The following SYNE1 variants were observed in gnomAD, a reference collection of about 807,000 sequenced individuals.
SYNE1 encodes spectrin repeat containing nuclear envelope protein 1, also known as nesprin-1.
In SYNE1, 616 loss-of-function variants were observed where a neutral mutation model predicts 1,111.0. That is an observed-to-expected ratio of 0.55 (90% CI 0.52 to 0.59). SYNE1 has a LOEUF of 0.59. Ranked by LOEUF, SYNE1 falls within the 20% of genes least tolerant of loss-of-function variation. The pLI is 0.00. For missense variants in SYNE1, 10,006 were observed against 10,417.0 expected, an observed-to-expected ratio of 0.96 and a Z score of 1.72; for synonymous variants, 3,855 against 3,825.8, an observed-to-expected ratio of 1.01 and a Z score of -0.28.
chr6:152,137,839 T>G (rs2057421707), intron 140 of SYNE1, among the ~76,000 whole-genome samples: 1 of 152,192 alleles, frequency 6.6e-6, no homozygotes, highest in South Asian at 2.1e-4. Flanking sequence ...ACTTGATTAT[T>G]CCACAGATTT....
chr6:152,283,679 G>A (rs530604634), intron 96 of SYNE1, among the ~76,000 whole-genome samples: 2 of 152,230 alleles, frequency 1.3e-5, no homozygotes, highest in East Asian at 3.9e-4. Context: ...TGGGACTACA[G>A]GCACACACCA....
intron 100 of SYNE1, among the ~76,000 whole-genome samples, chr6:152,266,159 G>A (rs1187321212): frequency 1.3e-5 from 2 of 151,994 alleles, no homozygotes; most frequent in Admixed American, 6.6e-5. Context: ...AGCCAGTACT[G>A]CACTGCAAAT....
chr6:152,317,368 G>A lies in SYNE1; in HGVS notation c.16573-382C>T, dbSNP rs952278911. On this transcript the variant is annotated intron_variant, in intron 86 of 145. Coordinates refer to ENST00000367255, the MANE Select transcript of SYNE1 (RefSeq NM_182961.4). ...CCCACGTAGCTGGGACCACAGGCAC[G>A]TGCCAACCATGCCCTGTTAAATTTT... Among the ~76,000 whole-genome samples, 6 of 151,680 alleles carry A rather than the reference G, an allele frequency of 4.0e-5. No homozygotes were observed. In the South Asian group the frequency reaches 6.2e-4, roughly 16 times the overall value.
Position 152,329,686 on chromosome 6 carries a change from T to A in SYNE1, c.14955+44A>T, listed in dbSNP as rs774238980. On this transcript the variant is annotated intron_variant, in intron 78 of 145. Coordinates refer to ENST00000367255, the MANE Select transcript of SYNE1 (RefSeq NM_182961.4). ...CGAATTTCTTGTACCTGTTTACAAA[T>A]AAGCAGAGTGGAAAAAAGAGAAGTG... 5.0e-6 allele frequency: 8 copies of A among 1,613,792 alleles called. No individual in the cohort carries two copies. The East Asian group carries it at 1.8e-4, about 36-fold the overall frequency.
rs1253032018 is a variant in SYNE1 at position 152,139,961 on chromosome 6, T to C, written c.25447A>G (p.Lys8483Glu). The C allele has an allele frequency of 2.5e-5, 40 of 1,613,566 alleles. No individual in the cohort carries two copies. Among genetic ancestry groups the C allele is most frequent in the South Asian group, 4.4e-5 (4 of 91,046 alleles). The change falls in exon 140 of 146, where the codon AAA becomes GAA. Residue 8483 changes from lysine to glutamate, a missense_variant. Physicochemically the swap from Lys to Glu is moderately conservative, Grantham distance 56. Coordinates refer to ENST00000367255, the MANE Select transcript of SYNE1 (RefSeq NM_182961.4). ...CAAGGGGCAGCTACCTTGAGCTTTT[T>C]GATCTGGAGCTCGATGGTCTGGATG... ...TDIQTIELQI[K>E]KLKELQKAVD...
chr6:152,401,367 A>C lies in SYNE1; in HGVS notation c.6826-26T>G, dbSNP rs1336257670. 1.9e-6 allele frequency: 3 copies of C among 1,603,336 alleles called. No individual in the cohort carries two copies. In the South Asian group the frequency reaches 3.3e-5, roughly 18 times the overall value. On this transcript the variant is annotated intron_variant, in intron 46 of 145. Coordinates refer to ENST00000367255, the MANE Select transcript of SYNE1 (RefSeq NM_182961.4). ...CTAAATATCAAGCAAGATTTCATCA[A>C]TATCTCTGAAGACCAGAAGAATACT...
rs373437929 is a variant in SYNE1 at position 152,516,558 on chromosome 6, A to G, written c.309+3901T>C. 2.8e-4 allele frequency among the ~76,000 whole-genome samples: 42 copies of G among 152,248 alleles called. 1 individual carries two copies. In the East Asian group the frequency reaches 6.4e-3, roughly 23 times the overall value. On this transcript the variant is annotated intron_variant, in intron 6 of 145. Coordinates refer to ENST00000367255, the MANE Select transcript of SYNE1 (RefSeq NM_182961.4). ...TCATACAGCTGAAATGGGAGAATGA[A>G]TGACCTGAAAAACTCTATCTTTATT...
intron 2 of SYNE1, among the ~76,000 whole-genome samples, chr6:152,633,589 GA>G (rs2099701542): frequency 6.6e-6 from 1 of 152,034 alleles, no homozygotes; most frequent in Admixed American, 6.6e-5. Flanking sequence ...AGGACACAGA[GA>G]GAATTTGGAC....
chr6:152,284,562 G>A (rs1375888424), intron 95 of SYNE1, among the ~76,000 whole-genome samples: 2 of 151,046 alleles, frequency 1.3e-5, no homozygotes, highest in East Asian at 3.9e-4. Flanking sequence ...GGGCTCAAGC[G>A]GCCCTCCTGC....
chr6:152,386,992 C>T (rs374924911), intron 54 of SYNE1, 80 bp downstream of exon 54: 1 of 1,259,216 alleles, frequency 7.9e-7, no homozygotes, highest in Non-Finnish European at 1.1e-6. Flanking sequence ...ACCTTGGCAA[C>T]AGTCATTATA....
chr6:152,139,735 AAGAAAGAAAG>A (rs1412543636), intron 140 of SYNE1, among the ~76,000 whole-genome samples: 2 of 145,368 alleles, frequency 1.4e-5, no homozygotes, highest in African/African-American at 5.1e-5. Flanking sequence ...GAAAGAAAGA[AAGAAAGAAAG>A]AAAGAAAAGA....
intron 3 of SYNE1, among the ~76,000 whole-genome samples, chr6:152,566,972 A>G (rs1399203464): frequency 2.0e-5 from 3 of 146,830 alleles, no homozygotes; most frequent in Non-Finnish European, 4.5e-5. Flanking sequence ...TAACATATTC[A>G]TCTCTTCACA....
intron 14 of SYNE1, among the ~76,000 whole-genome samples, chr6:152,475,553 C>T (rs925539211): frequency 7.2e-5 from 11 of 152,254 alleles, no homozygotes; most frequent in African/African-American, 2.6e-4. Context: ...AAGTTGGAAA[C>T]CATCTATAAT....
intron 3 of SYNE1, among the ~76,000 whole-genome samples, chr6:152,621,502 T>A (rs548383515): frequency 4.6e-5 from 7 of 152,126 alleles, no homozygotes; most frequent in Non-Finnish European, 8.8e-5. Flanking sequence ...CCATATAAAA[T>A]ATACTGACAC....
rs145518327 is a variant in SYNE1 at position 152,218,376 on chromosome 6, C to A, written c.22072G>T (p.Ala7358Ser). 40 of 1,613,144 alleles carry A rather than the reference C, an allele frequency of 2.5e-5. No homozygotes were observed. The African/African-American group carries it at 4.8e-4, about 19-fold the overall frequency. ...QAGVLDYETFAKSLEALEAWI... is the reference protein window; with the variant it reads ...QAGVLDYETFSKSLEALEAWI... The stretch of plus-strand genomic sequence containing the variant: ...GCCTCCAAAGCTTCTAAACTCTTGG[C>A]AAAGGTTTCATAATCAAGAACTCCA... The change falls in exon 121 of 146, where the codon GCC (alanine) becomes TCC (serine). Residue 7358 changes from alanine to serine, a missense_variant. By Grantham distance (99) the Ala-to-Ser change is moderately conservative (BLOSUM62 1). Transcript: ENST00000367255.
At position 152,308,575 on chromosome 6, in the gene SYNE1, T is replaced by A. The variant is rs1044270413; in HGVS notation, c.17260A>T (p.Ile5754Leu). 1.9e-6 allele frequency: 3 copies of A among 1,613,764 alleles called. No homozygotes were observed. Among genetic ancestry groups the A allele is most frequent in the Non-Finnish European group, 2.5e-6 (3 of 1,180,014 alleles). ...EQEMKHLQQL[I>L]EGAHREIEDK... ...TCAATCTCTCTGTGAGCTCCTTCTA[T>A]CAGTTGCTGGAGATGTTTCATTTCT... Residue 5754 changes from isoleucine to leucine, a missense_variant, in exon 91 of 146, where the codon ATA becomes TTA. Ile to Leu is a conservative substitution (Grantham distance 5). Coordinates refer to ENST00000367255, the MANE Select transcript of SYNE1 (RefSeq NM_182961.4).
At chr6:152,204,831 G>A (rs1563483327) in intron 126 of SYNE1, among the ~76,000 whole-genome samples, 1 of 152,110 alleles carries the variant, frequency 6.6e-6, no homozygotes, top group Admixed American at 6.5e-5. Flanking sequence ...AAAAGCAAAT[G>A]TAGTGACTCA....
chr6:152,520,832 T>C (rs567018618), intron 5 of SYNE1, among the ~76,000 whole-genome samples: 1 of 152,316 alleles, frequency 6.6e-6, no homozygotes, highest in South Asian at 2.1e-4. Context: ...GAGACCTCTG[T>C]TAGACACGAC....
chr6:152,132,338 C>A, intron 143 of SYNE1, 124 bp from the exon 144 acceptor site: 2 of 865,594 alleles, frequency 2.3e-6, no homozygotes, highest in Non-Finnish European at 3.8e-6. Context: ...AAAATCAAAC[C>A]ATTCCTTGGG....
Sources: gnomAD v4.1 joint callset for allele counts (sites outside exome capture counted in the v4.1 genomes callset) on GRCh38, gnomAD v4.1.1 for gene constraint, MANE v1.5 for transcripts, NCBI Gene and HGNC (gene_info 2026-07-23, HGNC 2026-07-21) for gene names.